MYRIP: variants seen among roughly 807,000 people sequenced by gnomAD.
MYRIP encodes rab effector MyRIP.
In MYRIP, 49 loss-of-function variants were observed where a neutral mutation model predicts 98.0. That is an observed-to-expected ratio of 0.50 (90% CI 0.40 to 0.63). The LOEUF (loss-of-function observed/expected upper bound fraction) is 0.63, where lower values mean the gene tolerates loss of function less well. MYRIP is among the 30% of genes least tolerant of loss of function. MYRIP has a pLI of 0.00. For synonymous variants in MYRIP, 404 were observed against 409.5 expected, an observed-to-expected ratio of 0.99 and a Z score of 0.16; for missense variants, 1,004 against 1,058.2, an observed-to-expected ratio of 0.95 and a Z score of 0.71.
intron 1 of MYRIP, among the ~76,000 whole-genome samples, chr3:39,823,968 T>C (rs200984989): frequency 6.6e-6 from 1 of 152,340 alleles, no homozygotes; most frequent in East Asian, 1.9e-4. Flanking sequence ...TGTTTTTATC[T>C]AGTAATTTTG....
chr3:39,937,670 A>G (rs958246690), intron 2 of MYRIP, among the ~76,000 whole-genome samples: 1 of 152,250 alleles, frequency 6.6e-6, no homozygotes, highest in African/African-American at 2.4e-5. Context: ...GAGGCCCAAA[A>G]GATATGATTT....
chr3:39,958,731 A>T (rs1472760227), intron 2 of MYRIP, among the ~76,000 whole-genome samples: 1 of 152,222 alleles, frequency 6.6e-6, no homozygotes, highest in Admixed American at 6.5e-5. Context: ...CTGCCATCAG[A>T]GTGAACAGGC....
At chr3:40,254,533 A>C (rs1320788069) in intron 16 of MYRIP, among the ~76,000 whole-genome samples, 1 of 152,084 alleles carries the variant, frequency 6.6e-6, no homozygotes, top group Non-Finnish European at 1.5e-5. Context: ...ATCAATTTGC[A>C]TTGCTATGGT....
At chr3:40,172,537 A>G (rs1950640043) in intron 8 of MYRIP, among the ~76,000 whole-genome samples, 1 of 152,198 alleles carries the variant, frequency 6.6e-6, no homozygotes, top group Non-Finnish European at 1.5e-5. Flanking sequence ...TGAGACGTGG[A>G]CATAGCTATT....
chr3:39,991,020 G>A (rs888010345), intron 2 of MYRIP, among the ~76,000 whole-genome samples: 2 of 152,036 alleles, frequency 1.3e-5, no homozygotes, highest in African/African-American at 4.8e-5. Context: ...GCTACGGGAG[G>A]GATAACATTA....
chr3:40,230,647 A>G (rs1162808945), intron 11 of MYRIP, among the ~76,000 whole-genome samples: 1 of 152,208 alleles, frequency 6.6e-6, no homozygotes, highest in Non-Finnish European at 1.5e-5. Context: ...ACCCACCCTC[A>G]GGTGCAAGCA....
intron 1 of MYRIP, among the ~76,000 whole-genome samples, chr3:39,813,611 C>T (rs905706119): frequency 1.3e-5 from 2 of 152,170 alleles, no homozygotes; most frequent in Admixed American, 1.3e-4. Flanking sequence ...AGACAACATC[C>T]CTAGCTGAGT....
intron 11 of MYRIP, among the ~76,000 whole-genome samples, chr3:40,210,538 G>A (rs1951898179): frequency 6.6e-6 from 1 of 152,168 alleles, no homozygotes; most frequent in South Asian, 2.1e-4. Flanking sequence ...TGGAGCCTCT[G>A]TGTTCAAAGT....
At chr3:39,996,496 A>C (rs889225382) in intron 2 of MYRIP, among the ~76,000 whole-genome samples, 3 of 152,352 alleles carry the variant, frequency 2.0e-5, no homozygotes, top group African/African-American at 4.8e-5. Flanking sequence ...TCCTAAATAT[A>C]TATGCACCCA....
In MYRIP at chr3:40,044,277, T is replaced by A. The variant is rs775954435; in HGVS notation, c.332+6T>A. On this transcript the variant is annotated splice_donor_region_variant and intron_variant, in intron 3 of 16. Transcript: ENST00000302541. Reference sequence around the variant, plus strand: ...TGCGTCTGCCAGCAAGCGAGGTGAGTGGCTGGTGCATTCCCAGGGTCTACA... The same window carrying A: ...TGCGTCTGCCAGCAAGCGAGGTGAGAGGCTGGTGCATTCCCAGGGTCTACA... 6.2e-7 allele frequency: 1 copy of A among 1,613,700 alleles called. No individual in the cohort carries two copies. The highest frequency in any genetic ancestry group is 8.5e-7 in the Non-Finnish European group (1 of 1,179,686).
In MYRIP at chr3:40,170,905, A is replaced by G. The variant is rs576761764; in HGVS notation, c.873+812A>G. Among the ~76,000 whole-genome samples, 7 of 152,316 alleles carry G rather than the reference A, an allele frequency of 4.6e-5. No homozygotes were observed. The South Asian group carries it at 1.4e-3, about 32-fold the overall frequency. On this transcript the variant is annotated intron_variant, in intron 8 of 16. Transcript: ENST00000302541. ...GGGGTCTAGTGGCATTCATCCCTGCATGAGCAGATTAAAACGAGGGCATGC... is the reference window on the plus strand; with the variant it reads ...GGGGTCTAGTGGCATTCATCCCTGCGTGAGCAGATTAAAACGAGGGCATGC...
intron 1 of MYRIP, among the ~76,000 whole-genome samples, chr3:39,837,873 G>A (rs751342339): frequency 6.6e-6 from 1 of 152,044 alleles, no homozygotes; most frequent in African/African-American, 2.4e-5. Flanking sequence ...CCATTTGTTC[G>A]TGTCCTCTCT....
At chr3:40,127,226 G>T (rs536924896) in intron 3 of MYRIP, among the ~76,000 whole-genome samples, 7 of 152,202 alleles carry the variant, frequency 4.6e-5, no homozygotes, top group South Asian at 2.1e-4. Flanking sequence ...CTATATTCAG[G>T]TTCTATAGTA....
chr3:40,198,184 A>C (rs1951451649), intron 10 of MYRIP, among the ~76,000 whole-genome samples: 1 of 151,692 alleles, frequency 6.6e-6, no homozygotes, highest in South Asian at 2.1e-4. Flanking sequence ...GACTAAATAC[A>C]TTTTCAAAGT....
intron 10 of MYRIP, among the ~76,000 whole-genome samples, chr3:40,204,857 T>C (rs1951750485): frequency 6.6e-6 from 1 of 152,162 alleles, no homozygotes; most frequent in Non-Finnish European, 1.5e-5. Flanking sequence ...CACTGGCATC[T>C]GCTGCCAATG....
At chr3:39,982,940 A>T (rs1945931356) in intron 2 of MYRIP, among the ~76,000 whole-genome samples, 1 of 152,214 alleles carries the variant, frequency 6.6e-6, no homozygotes, top group Non-Finnish European at 1.5e-5. Flanking sequence ...TGTGTAGAAT[A>T]TTACTTTTGA....
At chr3:40,162,622 C>G in intron 4 of MYRIP, 108 bp from the exon 5 acceptor site, 1 of 918,398 alleles carries the variant, frequency 1.1e-6, no homozygotes, top group Non-Finnish European at 1.7e-6. Context: ...AGGCTAACAA[C>G]CCAAGTGTGT....
chr3:39,868,034 G>A (rs1032086663), intron 1 of MYRIP, among the ~76,000 whole-genome samples: 5 of 152,180 alleles, frequency 3.3e-5, no homozygotes, highest in Non-Finnish European at 7.3e-5. Flanking sequence ...GCATGTGTGT[G>A]CACACCCACA....
intron 2 of MYRIP, among the ~76,000 whole-genome samples, chr3:39,928,837 A>G (rs945655294): frequency 7.2e-5 from 11 of 152,108 alleles, no homozygotes; most frequent in Middle Eastern, 3.4e-3. Flanking sequence ...AGATTATGCA[A>G]TAGATGAGAA....
Sources: gnomAD v4.1 joint callset for allele counts (sites outside exome capture counted in the v4.1 genomes callset) on GRCh38, gnomAD v4.1.1 for gene constraint, MANE v1.5 for transcripts, NCBI Gene and HGNC (gene_info 2026-07-23, HGNC 2026-07-21) for gene names.